KIF13B: variants seen among roughly 807,000 people sequenced by gnomAD.
KIF13B encodes the protein kinesin family member 13B, also known as kinesin-like protein KIF13B.
A neutral mutation model predicts 222.0 loss-of-function variants in KIF13B; 127 were observed. The observed-to-expected ratio is 0.57, with a 90% CI of 0.50 to 0.66. The LOEUF (loss-of-function observed/expected upper bound fraction) is 0.66. Ranked by LOEUF, KIF13B falls within the 30% of genes least tolerant of loss-of-function variation. The probability of loss-of-function intolerance (pLI) is 0.00; values close to 1 mark genes in which losing one functional copy is unlikely to be tolerated. For missense variants in KIF13B, 2,173 were observed against 2,379.0 expected, an observed-to-expected ratio of 0.91 and a Z score of 1.80; for synonymous variants, 976 against 919.0, an observed-to-expected ratio of 1.06 and a Z score of -1.12.
intron 6 of KIF13B, 71 bp downstream of exon 6, chr8:29,186,221 T>A: frequency 8.1e-7 from 1 of 1,231,256 alleles, no homozygotes; most frequent in African/African-American, 1.5e-5. Flanking sequence ...ATTAAAAAGA[T>A]TTGCACTTAA....
chr8:29,105,650 G>GTTTT (rs869030059), intron 35 of KIF13B, among the ~76,000 whole-genome samples: 11,149 of 77,998 alleles, frequency 0.14, 3,773 homozygotes, highest in African/African-American at 0.28. Flanking sequence ...AGTTTGTTTG[G>GTTTT]TTTTTTTTTT....
intron 18 of KIF13B, among the ~76,000 whole-genome samples, chr8:29,144,169 T>C (rs1810949406): frequency 6.6e-6 from 1 of 152,166 alleles, no homozygotes; most frequent in African/African-American, 2.4e-5. Flanking sequence ...TACATTGATG[T>C]TTCATTAACA....
intron 2 of KIF13B, among the ~76,000 whole-genome samples, chr8:29,241,745 T>G (rs1046866653): frequency 6.8e-6 from 1 of 146,990 alleles, no homozygotes; most frequent in Admixed American, 6.8e-5. Context: ...CACATAAGAA[T>G]GTCCTCCATA....
At chr8:29,200,787 C>T (rs1586917989) in intron 2 of KIF13B, among the ~76,000 whole-genome samples, 1 of 152,284 alleles carries the variant, frequency 6.6e-6, no homozygotes, top group African/African-American at 2.4e-5. Context: ...AGAGGACTGG[C>T]CATTTATTTT....
chr8:29,256,124 C>A (rs1404262298), intron 1 of KIF13B, among the ~76,000 whole-genome samples: 5 of 152,222 alleles, frequency 3.3e-5, no homozygotes, highest in African/African-American at 1.2e-4. Flanking sequence ...CACACTGCAT[C>A]TTATTCATAG....
intron 2 of KIF13B, among the ~76,000 whole-genome samples, chr8:29,209,569 G>A (rs1214793983): frequency 2.6e-5 from 4 of 152,228 alleles, no homozygotes; most frequent in South Asian, 4.2e-4. Context: ...TTTGTGTGAC[G>A]ATTCCTGACT....
chr8:29,138,807 C>T (rs1249654080), intron 21 of KIF13B, among the ~76,000 whole-genome samples: 9 of 152,040 alleles, frequency 5.9e-5, no homozygotes, highest in Admixed American at 5.2e-4. Flanking sequence ...AGAAAGCGAG[C>T]GAGTGAGAGA....
At chr8:29,073,586 A>C (rs534753582) in intron 38 of KIF13B, among the ~76,000 whole-genome samples, 1 of 152,334 alleles carries the variant, frequency 6.6e-6, no homozygotes, top group South Asian at 2.1e-4. Context: ...TGCTATCCAG[A>C]AGAAATATGT....
At chr8:29,183,124 A>G (rs1460326938) in intron 6 of KIF13B, among the ~76,000 whole-genome samples, 1 of 151,576 alleles carries the variant, frequency 6.6e-6, no homozygotes, top group African/African-American at 2.4e-5. Context: ...GAACTACACA[A>G]AATCTTTTTT....
intron 8 of KIF13B, among the ~76,000 whole-genome samples, chr8:29,178,119 T>C (rs1189967071): frequency 1.3e-5 from 2 of 152,150 alleles, no homozygotes; most frequent in African/African-American, 2.4e-5. Context: ...AGGAAAACAG[T>C]GCCTCCAAAA....
intron 1 of KIF13B, chr8:29,249,946 C>A: frequency 1.1e-6 from 1 of 930,354 alleles, no homozygotes; most frequent in Non-Finnish European, 1.5e-6. Context: ...AAGAAAGTCT[C>A]AGCCACACTG....
chr8:29,074,435 G>A (rs1477325415), intron 38 of KIF13B, among the ~76,000 whole-genome samples: 1 of 152,256 alleles, frequency 6.6e-6, no homozygotes, highest in Non-Finnish European at 1.5e-5. Flanking sequence ...TTGAAACCCA[G>A]ATGCCATCTA....
chr8:29,217,718 T>G (rs768532486), intron 2 of KIF13B, among the ~76,000 whole-genome samples: 2 of 152,224 alleles, frequency 1.3e-5, no homozygotes, highest in African/African-American at 2.4e-5. Flanking sequence ...TTTGGTGAAC[T>G]AGTTTGGAGA....
intron 26 of KIF13B, among the ~76,000 whole-genome samples, chr8:29,125,422 A>G (rs184178079): frequency 6.6e-6 from 1 of 152,338 alleles, no homozygotes; most frequent in Non-Finnish European, 1.5e-5. Flanking sequence ...AGATGGAGAA[A>G]CGTGCGATGC....
intron 2 of KIF13B, among the ~76,000 whole-genome samples, chr8:29,228,322 C>T (rs927311569): frequency 6.6e-6 from 1 of 151,264 alleles, no homozygotes; most frequent in Non-Finnish European, 1.5e-5. Context: ...GAGAAATTAG[C>T]CGGACATGGT....
chr8:29,222,540 T>C (rs1814806520), intron 2 of KIF13B, among the ~76,000 whole-genome samples: 1 of 111,918 alleles, frequency 8.9e-6, no homozygotes, highest in African/African-American at 3.3e-5. Flanking sequence ...TTTTTTTTTT[T>C]TTTTTTTTTT....
chr8:29,122,281 T>A (rs1460951751), intron 29 of KIF13B, among the ~76,000 whole-genome samples: 7 of 151,670 alleles, frequency 4.6e-5, no homozygotes, highest in African/African-American at 9.7e-5. Context: ...ATAAATAAAT[T>A]AGAAAATATT....
At chr8:29,227,703 C>T (rs1815085967) in intron 2 of KIF13B, among the ~76,000 whole-genome samples, 1 of 152,076 alleles carries the variant, frequency 6.6e-6, no homozygotes, top group Admixed American at 6.5e-5. Flanking sequence ...AATCCCAGGG[C>T]TTTGGGAGGC....
At chr8:29,220,782 T>G (rs919763279) in intron 2 of KIF13B, among the ~76,000 whole-genome samples, 1 of 151,582 alleles carries the variant, frequency 6.6e-6, no homozygotes, top group Non-Finnish European at 1.5e-5. Context: ...AAGAAAAGAG[T>G]AGAGAGATAA....
Sources: allele counts gnomAD v4.1 joint callset (sites outside exome capture counted in the v4.1 genomes callset), GRCh38; gene constraint gnomAD v4.1.1; transcripts MANE v1.5; gene names NCBI Gene and HGNC (gene_info 2026-07-23, HGNC 2026-07-21).